Variants in THRB observed in about 807,000 individuals in gnomAD.
THRB encodes nuclear receptor subfamily 1 group A member 2.
Under a neutral mutation model 47.8 loss-of-function variants are expected in THRB, and 12 were observed. The observed-to-expected ratio is 0.25, with a 90% CI of 0.16 to 0.41. The LOEUF (loss-of-function observed/expected upper bound fraction) is 0.41, where lower values mean the gene tolerates loss of function less well. Ranked by LOEUF, THRB falls within the 10% of genes least tolerant of loss-of-function variation. THRB has a pLI of 1.00. For missense variants in THRB, 348 were observed against 589.2 expected (o/e 0.59, Z 4.24); for synonymous variants, 218 against 212.2 (o/e 1.03, Z -0.24).
At chr3:24,201,328 G>A (rs1381934722) in intron 4 of THRB, among the ~76,000 whole-genome samples, 1 of 152,022 alleles carries the variant, frequency 6.6e-6, no homozygotes, top group Non-Finnish European at 1.5e-5. Context: ...GGTCAGGTGT[G>A]CCCCCTGCCT....
chr3:24,351,334 A>C (rs1398190752), intron 1 of THRB, among the ~76,000 whole-genome samples: 1 of 152,084 alleles, frequency 6.6e-6, no homozygotes, highest in Non-Finnish European at 1.5e-5. Context: ...ACTTTGTGCA[A>C]TGCCCTCCGA....
In THRB at chr3:24,162,171, AT is replaced by A. The variant is rs113431584; in HGVS notation, c.284-9682del. Reference sequence around the variant, plus strand: ...AGCTAGCACTTCCACCCACAAAAGGATTTTTTTTTTTTTTTAAAGAAAGAAA... The same window carrying A: ...AGCTAGCACTTCCACCCACAAAAGGATTTTTTTTTTTTTTAAAGAAAGAAA... On this transcript the variant is annotated intron_variant, in intron 5 of 10. Coordinates refer to ENST00000646209, the MANE Select transcript of THRB (RefSeq NM_001354712.2). Among the ~76,000 whole-genome samples the A allele has an allele frequency of 8.1e-3, 1,163 of 143,054 alleles. 2 individuals are homozygous for A. Among genetic ancestry groups the A allele is most frequent in the Middle Eastern group, 0.018 (5 of 278 alleles). 93.8% of individuals were successfully genotyped at this position (143,054 alleles called of 152,430 possible). A position where few individuals can be genotyped will look rare whatever the true frequency, so the allele number is the denominator to read the frequency against.
At chr3:24,489,415 T>C (rs1473916060) in intron 1 of THRB, among the ~76,000 whole-genome samples, 6 of 152,208 alleles carry the variant, frequency 3.9e-5, no homozygotes, top group Non-Finnish European at 5.9e-5. Flanking sequence ...GCAAATTTAA[T>C]GTGTCTGAGC....
At chr3:24,261,465 C>T (rs1476063468) in intron 3 of THRB, among the ~76,000 whole-genome samples, 3 of 140,334 alleles carry the variant, frequency 2.1e-5, no homozygotes, top group Non-Finnish European at 4.6e-5. Context: ...TGCCACTGCA[C>T]TCCAGCCTGA....
intron 4 of THRB, among the ~76,000 whole-genome samples, chr3:24,199,940 G>A (rs1332104899): frequency 6.6e-6 from 1 of 152,168 alleles, no homozygotes; most frequent in African/African-American, 2.4e-5. Context: ...GAGGCCCTGA[G>A]CACTGGGAAA....
At chr3:24,279,025 CAT>C (rs2054236788) in intron 3 of THRB, among the ~76,000 whole-genome samples, 3 of 151,950 alleles carry the variant, frequency 2.0e-5, no homozygotes, top group Admixed American at 1.3e-4. Flanking sequence ...TTAAATGTTT[CAT>C]AGAGATGGGG....
Position 24,452,880 on chromosome 3 carries a change from G to T in THRB, c.-261+41772C>A, listed in dbSNP as rs145790116. 3.6e-3 allele frequency among the ~76,000 whole-genome samples: 543 copies of T among 152,264 alleles called. 6 individuals carry two copies. Among genetic ancestry groups the T allele is most frequent in the African/African-American group, 0.012 (495 of 41,558 alleles). On this transcript the variant is annotated intron_variant, in intron 1 of 10. Coordinates refer to ENST00000646209, the MANE Select transcript of THRB (RefSeq NM_001354712.2). ...GGACAAGGTTAAATTATTTTTAAGT[G>T]CTGTTTTGCAAATTTCTCCAGTATA...
At chr3:24,293,925 T>C (rs554492796) in intron 3 of THRB, among the ~76,000 whole-genome samples, 1 of 152,336 alleles carries the variant, frequency 6.6e-6, no homozygotes, top group African/African-American at 2.4e-5. Flanking sequence ...GGATTTCCAG[T>C]GTGGTAGATT....
chr3:24,233,106 G>A (rs746914465), intron 3 of THRB, among the ~76,000 whole-genome samples: 3 of 152,142 alleles, frequency 2.0e-5, no homozygotes, highest in Non-Finnish European at 4.4e-5. Flanking sequence ...GAGTAGAAAA[G>A]CAGGCATTCA....
intron 5 of THRB, among the ~76,000 whole-genome samples, chr3:24,189,207 A>G (rs1043072647): frequency 6.6e-6 from 1 of 152,062 alleles, no homozygotes; most frequent in Admixed American, 6.6e-5. Flanking sequence ...TGATTGTGAG[A>G]TTTTCAAAAC....
At chr3:24,222,422 G>A (rs962517734) in intron 4 of THRB, among the ~76,000 whole-genome samples, 2 of 152,166 alleles carry the variant, frequency 1.3e-5, no homozygotes, top group Non-Finnish European at 2.9e-5. Flanking sequence ...TAGTAGTGGG[G>A]AGAAGAGGGA....
At chr3:24,321,056 AC>A (rs1405257314) in intron 2 of THRB, among the ~76,000 whole-genome samples, 1 of 152,226 alleles carries the variant, frequency 6.6e-6, no homozygotes. Context: ...CTTCTGGCAA[AC>A]AGAGCCAGGG....
intron 1 of THRB, among the ~76,000 whole-genome samples, chr3:24,396,458 A>G (rs1478719607): frequency 6.6e-6 from 1 of 152,140 alleles, no homozygotes; most frequent in Admixed American, 6.6e-5. Flanking sequence ...TAGTGTTTCA[A>G]TAGATGACAT....
chr3:24,233,522 G>A (rs916272517), intron 3 of THRB, among the ~76,000 whole-genome samples: 2 of 111,110 alleles, frequency 1.8e-5, no homozygotes, highest in Non-Finnish European at 3.9e-5. Context: ...AGGAGGGAAG[G>A]AAGGAAGGAA....
intron 1 of THRB, among the ~76,000 whole-genome samples, chr3:24,367,860 T>A (rs2149712044): frequency 6.6e-6 from 1 of 152,258 alleles, no homozygotes; most frequent in East Asian, 1.9e-4. Context: ...AAACTGTGAT[T>A]GCCATGGGGA....
intron 1 of THRB, among the ~76,000 whole-genome samples, chr3:24,390,383 T>C (rs778067131): frequency 2.0e-5 from 3 of 152,174 alleles, no homozygotes; most frequent in Non-Finnish European, 4.4e-5. Flanking sequence ...AGACTTACTA[T>C]GTTGATCAGC....
At chr3:24,197,455 C>A (rs2044083582) in intron 4 of THRB, among the ~76,000 whole-genome samples, 4 of 152,184 alleles carry the variant, frequency 2.6e-5, no homozygotes, top group Admixed American at 2.6e-4. Context: ...TAATATTTGT[C>A]TATGTCTCTT....
At chr3:24,488,790 C>G (rs1260922345) in intron 1 of THRB, among the ~76,000 whole-genome samples, 1 of 152,122 alleles carries the variant, frequency 6.6e-6, no homozygotes, top group African/African-American at 2.4e-5. Flanking sequence ...AAGGCACTGT[C>G]TGACAAATAG....
intron 3 of THRB, among the ~76,000 whole-genome samples, chr3:24,243,881 G>A (rs900016331): frequency 7.0e-6 from 1 of 141,892 alleles, no homozygotes; most frequent in Non-Finnish European, 1.5e-5. Context: ...CTTGTTGGGG[G>A]TGCTAGGGAC....
Sources: gnomAD v4.1 joint callset for allele counts (sites outside exome capture counted in the v4.1 genomes callset) on GRCh38, gnomAD v4.1.1 for gene constraint, MANE v1.5 for transcripts, NCBI Gene and HGNC (gene_info 2026-07-23, HGNC 2026-07-21) for gene names.